BABAM2: variants seen among roughly 807,000 people sequenced by gnomAD.
BABAM2 encodes BRISC and BRCA1-A complex member 2.
A neutral mutation model predicts 54.7 loss-of-function variants in BABAM2; 31 were observed. The observed-to-expected ratio is 0.57, with a 90% confidence interval of 0.43 to 0.77. The LOEUF (loss-of-function observed/expected upper bound fraction) is 0.77, where lower values mean the gene tolerates loss of function less well. Ranked by LOEUF, BABAM2 falls within the 30% of genes least tolerant of loss-of-function variation. The pLI is 0.00. For missense variants in BABAM2, 364 were observed against 455.8 expected (o/e 0.80, Z 1.83); for synonymous variants, 167 against 162.9 (o/e 1.03, Z -0.19).
intron 4 of BABAM2, among the ~76,000 whole-genome samples, chr2:28,007,357 A>G (rs1674051484): frequency 6.6e-6 from 1 of 152,074 alleles, no homozygotes; most frequent in Admixed American, 6.6e-5. Context: ...CATATATATC[A>G]ACCTGTGACA....
At chr2:28,162,928 GT>G (rs35708029) in intron 7 of BABAM2, among the ~76,000 whole-genome samples, 5 of 152,306 alleles carry the variant, frequency 3.3e-5, no homozygotes, top group East Asian at 1.9e-4. Context: ...CTAGATGTCA[GT>G]TTTTTTCCCC....
intron 10 of BABAM2, among the ~76,000 whole-genome samples, chr2:28,268,720 CCCGTTGTTTGGATCAGCCCTCGTG>C (rs894976854): frequency 3.3e-5 from 5 of 152,174 alleles, no homozygotes; most frequent in African/African-American, 1.2e-4. Context: ...AATGCCGGCC[CCCGTTGTTTGGATCAGCCCTCGTG>C]CCCTGGTCTT....
At chr2:27,925,268 C>T (rs566401808) in intron 2 of BABAM2, among the ~76,000 whole-genome samples, 3 of 152,196 alleles carry the variant, frequency 2.0e-5, no homozygotes, top group East Asian at 1.9e-4. Context: ...CACCCATTAG[C>T]CTGACTGTTT....
Position 28,226,913 on chromosome 2 carries a change from A to G in BABAM2, c.681-10289A>G, listed in dbSNP as rs533751779. 3.0e-4 allele frequency among the ~76,000 whole-genome samples: 45 copies of G among 152,234 alleles called. 1 individual carries two copies. The highest frequency in any genetic ancestry group is 1.3e-3 in the Admixed American group (20 of 15,294). ...GGGGTGTGAGAGAAAGGAGTCAGCA[A>G]TGACAGAGGTTTTTGGTCTGGGAAC... On this transcript the variant is annotated intron_variant, in intron 7 of 11. Transcript: ENST00000379624.
chr2:28,122,080 G>A (rs1669122610), intron 6 of BABAM2, among the ~76,000 whole-genome samples: 1 of 152,086 alleles, frequency 6.6e-6, no homozygotes, highest in African/African-American at 2.4e-5. Flanking sequence ...GCTGGCCATG[G>A]TGGCGGGCAC....
intron 7 of BABAM2, among the ~76,000 whole-genome samples, chr2:28,203,355 G>T (rs1678484042): frequency 6.6e-6 from 1 of 152,126 alleles, no homozygotes; most frequent in East Asian, 1.9e-4. Context: ...TGTCAATCAT[G>T]AATTTTTGGA....
intron 2 of BABAM2, among the ~76,000 whole-genome samples, chr2:27,919,814 A>G (rs1178224506): frequency 6.6e-6 from 1 of 152,224 alleles, no homozygotes; most frequent in Non-Finnish European, 1.5e-5. Context: ...AGGGACACCT[A>G]CCAACATTTA....
At chr2:28,101,155 A>T (rs369914783) in intron 6 of BABAM2, among the ~76,000 whole-genome samples, 1 of 152,174 alleles carries the variant, frequency 6.6e-6, no homozygotes, top group Non-Finnish European at 1.5e-5. Context: ...CAGGTTTTAA[A>T]TAACTTATCC....
intron 4 of BABAM2, among the ~76,000 whole-genome samples, chr2:27,992,567 C>T (rs934290108): frequency 3.3e-5 from 5 of 151,954 alleles, no homozygotes; most frequent in Admixed American, 6.6e-5. Flanking sequence ...CTGTTTTTCA[C>T]GTACAATATG....
intron 3 of BABAM2, among the ~76,000 whole-genome samples, chr2:27,932,210 C>A (rs749441933): frequency 1.3e-5 from 2 of 152,094 alleles, no homozygotes; most frequent in Non-Finnish European, 2.9e-5. Context: ...TTTAGCCCAT[C>A]CGATAATTTT....
At chr2:27,917,459 T>C (rs918639490) in intron 2 of BABAM2, among the ~76,000 whole-genome samples, 1 of 152,178 alleles carries the variant, frequency 6.6e-6, no homozygotes, top group Non-Finnish European at 1.5e-5. Context: ...ATGGCTCTGG[T>C]AGATTGTGTC....
At chr2:28,144,045 G>A (rs1032220161) in intron 7 of BABAM2, among the ~76,000 whole-genome samples, 4 of 152,176 alleles carry the variant, frequency 2.6e-5, no homozygotes, top group Non-Finnish European at 5.9e-5. Flanking sequence ...CCTGGTTGCC[G>A]CTTTGTAGTC....
intron 4 of BABAM2, among the ~76,000 whole-genome samples, chr2:28,006,347 G>T (rs1247618553): frequency 6.6e-6 from 1 of 151,966 alleles, no homozygotes; most frequent in East Asian, 1.9e-4. Context: ...TCTAAATTTT[G>T]TGAAATAGCT....
intron 6 of BABAM2, among the ~76,000 whole-genome samples, chr2:28,089,454 AC>A (rs1328568965): frequency 3.9e-5 from 6 of 152,166 alleles, no homozygotes; most frequent in African/African-American, 1.2e-4. Flanking sequence ...CAACTTTAGC[AC>A]CTGATTTTCT....
chr2:28,338,508 C>T lies in BABAM2; in HGVS notation c.1147C>T (p.Leu383Phe). The T allele has an allele frequency of 6.2e-7, 1 of 1,614,128 alleles. No homozygotes were observed. The highest frequency in any genetic ancestry group is 8.5e-7 in the Non-Finnish European group (1 of 1,179,972). Residue 383 changes from leucine (L) to phenylalanine (F), a missense_variant, in exon 12 of 12, where the codon CTC becomes TTC. Coordinates refer to ENST00000379624, the MANE Select transcript of BABAM2 (RefSeq NM_199191.3). ...GGAGGCAGCATTTGCCAATGGAAAG[C>T]TCTAGGAAACACCAGTCTTGAGAGG... ...FQEAAFANGK[L>F]
intron 7 of BABAM2, among the ~76,000 whole-genome samples, chr2:28,171,290 G>A (rs1674299273): frequency 6.6e-6 from 1 of 152,182 alleles, no homozygotes; most frequent in Non-Finnish European, 1.5e-5. Context: ...TAATAGTCGT[G>A]TCTGTCAAAT....
intron 7 of BABAM2, among the ~76,000 whole-genome samples, chr2:28,160,170 T>TG (rs574841434): frequency 5.4e-4 from 82 of 152,238 alleles, no homozygotes; most frequent in African/African-American, 1.9e-3. Context: ...TTTGTAGAGT[T>TG]GGGGCCTCAC....
At chr2:28,106,735 T>C (rs6740628) in intron 6 of BABAM2, among the ~76,000 whole-genome samples, 149,556 of 152,302 alleles carry the variant, frequency 0.98, 73,493 homozygotes, top group East Asian at 1. Flanking sequence ...GTTACTTTTT[T>C]CCCCTTTGTC....
chr2:28,233,294 C>T (rs1192246148), intron 7 of BABAM2: 5 of 470,898 alleles, frequency 1.1e-5, no homozygotes, highest in Admixed American at 9.4e-5. Context: ...GCCCTGCCTT[C>T]TCTTCAGCCA....
Sources: gnomAD v4.1 joint callset for allele counts (sites outside exome capture counted in the v4.1 genomes callset) on GRCh38, gnomAD v4.1.1 for gene constraint, MANE v1.5 for transcripts, NCBI Gene and HGNC (gene_info 2026-07-23, HGNC 2026-07-21) for gene names.